Variants in GRID2 observed in about 807,000 individuals in gnomAD.
GRID2 encodes the protein glutamate ionotropic receptor delta type subunit 2.
GRID2 carries 33 observed loss-of-function variants against 114.8 expected under a neutral mutation model. That is an observed-to-expected ratio of 0.29 (90% confidence interval 0.22 to 0.38). The LOEUF is 0.38. Among genes scored for constraint, GRID2 ranks in the 10% least tolerant of loss-of-function variants. GRID2 has a pLI of 1.00. For synonymous variants in GRID2, 505 were observed against 449.9 expected (o/e 1.12, Z -1.55); for missense variants, 1,184 against 1,257.7 (o/e 0.94, Z 0.89).
At chr4:92,333,185 C>T (rs529624945) in intron 1 of GRID2, among the ~76,000 whole-genome samples, 3 of 152,352 alleles carry the variant, frequency 2.0e-5, no homozygotes, top group Admixed American at 6.5e-5. Flanking sequence ...TTGCATTCTG[C>T]TCATCTGCAG....
At chr4:92,347,037 A>G (rs1262905626) in intron 1 of GRID2, among the ~76,000 whole-genome samples, 2 of 152,196 alleles carry the variant, frequency 1.3e-5, no homozygotes, top group African/African-American at 4.8e-5. Flanking sequence ...TATATGGGGA[A>G]AATGACCACT....
Position 92,951,509 on chromosome 4 carries a change from T to A in GRID2, c.245-133486T>A, listed in dbSNP as rs1322219421. Among the ~76,000 whole-genome samples the A allele has an allele frequency of 2.0e-5, 3 of 151,802 alleles. No homozygotes were observed. The East Asian group carries it at 5.8e-4, about 29-fold the overall frequency. On this transcript the variant is annotated intron_variant, in intron 2 of 15. Transcript: ENST00000282020. ...GTACACTCCACCACAACTGGCTAAT[T>A]TTTTTGTATTTTTTGCTGAGACAGG...
Position 93,326,259 on chromosome 4 carries a change from C to T in GRID2, c.1246-69348C>T, listed in dbSNP as rs116778393. ...TTTCAAAATCACCCCATCATGGTTA[C>T]GATACAGAGGTCCTGAATAACTTTT... On this transcript the variant is annotated intron_variant, in intron 8 of 15. Coordinates refer to ENST00000282020, the MANE Select transcript of GRID2 (RefSeq NM_001510.4). Among the ~76,000 whole-genome samples, 746 of 152,244 alleles carry T rather than the reference C, an allele frequency of 4.9e-3. 3 individuals carry two copies. Among genetic ancestry groups the T allele is most frequent in the Middle Eastern group, 0.017 (5 of 294 alleles).
At chr4:93,236,965 G>A (rs749623352) in intron 7 of GRID2, among the ~76,000 whole-genome samples, 8 of 151,982 alleles carry the variant, frequency 5.3e-5, no homozygotes, top group Non-Finnish European at 8.8e-5. Context: ...CTTACCACAT[G>A]TCAAGAACTT....
intron 2 of GRID2, among the ~76,000 whole-genome samples, chr4:93,068,912 T>G (rs1400171384): frequency 6.6e-6 from 1 of 152,056 alleles, no homozygotes; most frequent in East Asian, 1.9e-4. Flanking sequence ...AGCATGATGT[T>G]GGCTTCTACT....
intron 4 of GRID2, among the ~76,000 whole-genome samples, chr4:93,136,086 C>A (rs1443786786): frequency 1.3e-5 from 2 of 152,012 alleles, no homozygotes; most frequent in African/African-American, 2.4e-5. Context: ...TATTATTATG[C>A]CCATTGTATA....
At chr4:92,492,861 G>C (rs1471585792) in intron 1 of GRID2, among the ~76,000 whole-genome samples, 1 of 152,068 alleles carries the variant, frequency 6.6e-6, no homozygotes, top group Admixed American at 6.6e-5. Flanking sequence ...AGGCGCAGTG[G>C]CTCATGCCTC....
chr4:93,130,428 A>G (rs1258669893), intron 4 of GRID2, among the ~76,000 whole-genome samples: 1 of 152,178 alleles, frequency 6.6e-6, no homozygotes, highest in Non-Finnish European at 1.5e-5. Context: ...TGGAGTACAG[A>G]GCAAAACCCT....
chr4:92,719,900 C>A (rs966308760), intron 2 of GRID2, among the ~76,000 whole-genome samples: 3 of 152,078 alleles, frequency 2.0e-5, no homozygotes, highest in African/African-American at 4.8e-5. Context: ...AGGATACTAG[C>A]AATAGATAGG....
intron 4 of GRID2, among the ~76,000 whole-genome samples, chr4:93,203,473 T>G (rs1013636508): frequency 2.6e-5 from 4 of 152,170 alleles, no homozygotes; most frequent in African/African-American, 9.6e-5. Context: ...CTTCTCCAGA[T>G]AAAAATGTGT....
intron 2 of GRID2, among the ~76,000 whole-genome samples, chr4:92,946,635 A>G (rs1751654440): frequency 6.6e-6 from 1 of 152,102 alleles, no homozygotes; most frequent in South Asian, 2.1e-4. Flanking sequence ...GATTATATCC[A>G]GCAATGAATG....
intron 2 of GRID2, among the ~76,000 whole-genome samples, chr4:92,611,253 TGA>T (rs1201817789): frequency 6.6e-6 from 1 of 151,498 alleles, no homozygotes; most frequent in Admixed American, 6.6e-5. Flanking sequence ...TTCTGGAGTC[TGA>T]GAAGTCCAAG....
chr4:93,086,532 G>A (rs941052404), intron 3 of GRID2, among the ~76,000 whole-genome samples: 3 of 152,184 alleles, frequency 2.0e-5, no homozygotes, highest in Non-Finnish European at 2.9e-5. Flanking sequence ...TGGTTGCATG[G>A]GGTTTTGGCA....
chr4:93,467,946 A>C (rs933006857), intron 11 of GRID2, among the ~76,000 whole-genome samples: 4 of 152,230 alleles, frequency 2.6e-5, no homozygotes, highest in Non-Finnish European at 5.9e-5. Flanking sequence ...TTTTGAAATA[A>C]GTGAAATGTC....
intron 10 of GRID2, among the ~76,000 whole-genome samples, chr4:93,451,694 G>A (rs2149405920): frequency 6.6e-6 from 1 of 152,174 alleles, no homozygotes; most frequent in Admixed American, 6.6e-5. Context: ...AGTCTTACAA[G>A]GAGCTGGAGC....
chr4:93,321,432 T>C (rs757821379), intron 8 of GRID2, among the ~76,000 whole-genome samples: 1 of 152,106 alleles, frequency 6.6e-6, no homozygotes, highest in Non-Finnish European at 1.5e-5. Flanking sequence ...TGGTATAATT[T>C]AATGAGATAA....
intron 14 of GRID2, among the ~76,000 whole-genome samples, chr4:93,688,030 C>G (rs893859965): frequency 2.0e-5 from 3 of 151,810 alleles, no homozygotes; most frequent in African/African-American, 7.3e-5. Flanking sequence ...GAAGAGCCAC[C>G]TATGCAGGTG....
chr4:92,669,350 A>G (rs1579807145), intron 2 of GRID2, among the ~76,000 whole-genome samples: 2 of 152,006 alleles, frequency 1.3e-5, no homozygotes, highest in Admixed American at 1.3e-4. Context: ...CAAATACATC[A>G]ACTGGAAAGC....
At position 93,477,041 on chromosome 4, in the gene GRID2, A is replaced by G. The variant is rs183396009; in HGVS notation, c.1859-13598A>G. ...ATATAATAAATGAAATTTATTTTAT[A>G]GTTCTGGAGGCTGGGAAGTCCAATA... On this transcript the variant is annotated intron_variant, in intron 11 of 15. Transcript: ENST00000282020. Among the ~76,000 whole-genome samples, 759 of 152,234 alleles carry G rather than the reference A, an allele frequency of 5.0e-3. 3 individuals carry two copies. Among genetic ancestry groups the G allele is most frequent in the Non-Finnish European group, 8.3e-3 (564 of 68,010 alleles).
Sources: allele counts gnomAD v4.1 joint callset (sites outside exome capture counted in the v4.1 genomes callset), GRCh38; gene constraint gnomAD v4.1.1; transcripts MANE v1.5; gene names NCBI Gene and HGNC (gene_info 2026-07-23, HGNC 2026-07-21).